Variants in LDLRAD4 observed in about 807,000 individuals in gnomAD.
The protein encoded by LDLRAD4 is low density lipoprotein receptor class A domain containing 4.
Under a neutral mutation model 17.0 loss-of-function variants are expected in LDLRAD4, and 5 were observed. The observed-to-expected ratio is 0.29, with a 90% confidence interval of 0.15 to 0.62. The LOEUF (loss-of-function observed/expected upper bound fraction) is 0.62. Among genes scored for constraint, LDLRAD4 ranks in the 20% least tolerant of loss-of-function variants. The pLI is 0.84. For missense variants in LDLRAD4, 340 were observed against 424.7 expected (o/e 0.80, Z 1.75); for synonymous variants, 168 against 171.8 (o/e 0.98, Z 0.17).
At chr18:13,611,640 C>G in intron 3 of LDLRAD4, 2 of 985,374 alleles carry the variant, frequency 2.0e-6, no homozygotes, top group South Asian at 9.4e-5. Flanking sequence ...TCTCTAATTT[C>G]TGATCCTTAT....
chr18:13,272,124 G>A (rs2044591762), intron 1 of LDLRAD4, among the ~76,000 whole-genome samples: 1 of 152,108 alleles, frequency 6.6e-6, no homozygotes, highest in African/African-American at 2.4e-5. Flanking sequence ...TCGATCTCTT[G>A]ACCTCGTGAT....
intron 3 of LDLRAD4, among the ~76,000 whole-genome samples, chr18:13,571,324 C>T (rs1280324876): frequency 1.3e-5 from 2 of 152,208 alleles, no homozygotes; most frequent in Admixed American, 1.3e-4. Flanking sequence ...AGCTGCCAAT[C>T]CCCTGTAGCT....
intron 1 of LDLRAD4, among the ~76,000 whole-genome samples, chr18:13,250,082 T>C (rs1394668756): frequency 6.6e-6 from 1 of 152,234 alleles, no homozygotes; most frequent in African/African-American, 2.4e-5. Flanking sequence ...GAGAATGTCC[T>C]TAATGAGTGT....
At chr18:13,407,830 C>T (rs932884382) in intron 2 of LDLRAD4, among the ~76,000 whole-genome samples, 8 of 152,200 alleles carry the variant, frequency 5.3e-5, no homozygotes, top group Non-Finnish European at 7.3e-5. Flanking sequence ...GGGTCTGTCC[C>T]ACCACGTTCC....
In LDLRAD4 at chr18:13,485,281, C is replaced by T. The variant is rs932695013; in HGVS notation, c.181+46897C>T. 5.9e-5 allele frequency among the ~76,000 whole-genome samples: 9 copies of T among 152,314 alleles called. No individual in the cohort carries two copies. In the East Asian group the frequency reaches 1.5e-3, roughly 26 times the overall value. On this transcript the variant is annotated intron_variant, in intron 3 of 5. Transcript: ENST00000359446. ...GGAGCTGCCCCTTTTCCACTGACCC[C>T]ACAAAGCCTCTGGTAGGAGTGTAGT...
chr18:13,487,635 T>C (rs2093260433), intron 3 of LDLRAD4: 1 of 152,298 alleles, frequency 6.6e-6, no homozygotes, highest in Non-Finnish European at 1.5e-5. Context: ...ACTAAACTCC[T>C]GCAGTATCTT....
chr18:13,429,873 C>T (rs1284282332), intron 2 of LDLRAD4, among the ~76,000 whole-genome samples: 2 of 152,194 alleles, frequency 1.3e-5, no homozygotes, highest in South Asian at 2.1e-4. Context: ...GTAGTCCAGG[C>T]ACCTCACTTT....
Position 13,645,581 on chromosome 18 carries a change from A to G in LDLRAD4, c.845A>G (p.Gln282Arg). The G allele has an allele frequency of 6.3e-7, 1 of 1,597,780 alleles. No individual in the cohort carries two copies. The highest frequency in any genetic ancestry group is 8.5e-7 in the Non-Finnish European group (1 of 1,172,672). ...AACGCACACAGGGGCAGCAGACTGC[A>G]GTTTCAGCAGAACAATGCAGAGAGC... The change falls in exon 6 of 6, where the codon CAG (glutamine) becomes CGG (arginine). Residue 282 changes from glutamine (Q) to arginine (R), a missense_variant. Coordinates refer to ENST00000359446, the Ensembl canonical transcript of LDLRAD4. This position sits in a 1 kb window ranked among gnomAD's most constrained non-coding sequence, Gnocchi z 5.7.
At chr18:13,574,472 A>G (rs748254494) in intron 3 of LDLRAD4, among the ~76,000 whole-genome samples, 5 of 152,136 alleles carry the variant, frequency 3.3e-5, no homozygotes, top group Non-Finnish European at 7.4e-5. Flanking sequence ...AGCAGGAACT[A>G]TGTCCTGTTC....
intron 3 of LDLRAD4, among the ~76,000 whole-genome samples, chr18:13,460,317 T>G (rs2092368852): frequency 6.6e-6 from 1 of 152,174 alleles, no homozygotes; most frequent in Non-Finnish European, 1.5e-5. Flanking sequence ...CTCAGCCTCC[T>G]GAGTAGCTGG....
At chr18:13,322,784 ATTTTTTT>A (rs34579599) in intron 1 of LDLRAD4, among the ~76,000 whole-genome samples, 2 of 130,424 alleles carry the variant, frequency 1.5e-5, no homozygotes, top group Non-Finnish European at 3.2e-5. Context: ...TACATGGCTA[ATTTTTTT>A]TTTTTTTTTT....
chr18:13,413,917 T>G (rs1419971732), intron 2 of LDLRAD4, among the ~76,000 whole-genome samples: 2 of 152,236 alleles, frequency 1.3e-5, no homozygotes, highest in East Asian at 3.9e-4. Flanking sequence ...AAAAAAATTT[T>G]TTTTTAAATC....
intron 1 of LDLRAD4, among the ~76,000 whole-genome samples, chr18:13,285,344 C>G (rs1279835094): frequency 1.3e-5 from 2 of 152,132 alleles, no homozygotes; most frequent in Non-Finnish European, 2.9e-5. Flanking sequence ...TTGGGGCAGT[C>G]ACTTCAGTGA....
intron 3 of LDLRAD4, among the ~76,000 whole-genome samples, chr18:13,551,578 G>A (rs976959482): frequency 6.6e-6 from 1 of 152,168 alleles, no homozygotes; most frequent in Non-Finnish European, 1.5e-5. Context: ...CGTAGAACTG[G>A]GGGGAGTTAC....
chr18:13,410,001 G>T (rs181327166), intron 2 of LDLRAD4, among the ~76,000 whole-genome samples: 2 of 152,292 alleles, frequency 1.3e-5, no homozygotes, highest in East Asian at 3.9e-4. Context: ...AGGGCACGAC[G>T]CACTGAGTGG....
At chr18:13,525,615 C>T (rs376852898) in intron 3 of LDLRAD4, among the ~76,000 whole-genome samples, 8 of 152,208 alleles carry the variant, frequency 5.3e-5, no homozygotes, top group East Asian at 3.8e-4. Context: ...TGGCATCTGC[C>T]GGGGTGACCC....
chr18:13,284,529 G>T (rs1268660722), intron 1 of LDLRAD4, among the ~76,000 whole-genome samples: 1 of 152,192 alleles, frequency 6.6e-6, no homozygotes, highest in African/African-American at 2.4e-5. Context: ...AGGCCAGGGT[G>T]GGGGATGTGG....
intron 3 of LDLRAD4, among the ~76,000 whole-genome samples, chr18:13,442,715 C>G (rs1031317862): frequency 1.3e-5 from 2 of 152,206 alleles, no homozygotes; most frequent in Admixed American, 6.5e-5. Flanking sequence ...TCCAAAGCCC[C>G]TTGGCCACAT....
chr18:13,341,284 G>C (rs1416191213), intron 1 of LDLRAD4, among the ~76,000 whole-genome samples: 10 of 151,784 alleles, frequency 6.6e-5, no homozygotes, highest in Non-Finnish European at 1.5e-4. Flanking sequence ...TTGGAATTTT[G>C]ATAGGAATTA....
Sources: gnomAD v4.1 joint callset for allele counts (sites outside exome capture counted in the v4.1 genomes callset) on GRCh38, gnomAD v4.1.1 for gene constraint, Gnocchi (gnomAD v3.1) non-coding constraint, MANE v1.5 for transcripts, NCBI Gene and HGNC (gene_info 2026-07-23, HGNC 2026-07-21) for gene names.